Variants in UNK observed in about 807,000 individuals in gnomAD.
UNK encodes RING finger protein unkempt homolog.
UNK carries 32 observed loss-of-function variants against 97.6 expected under a neutral mutation model. The observed-to-expected ratio is 0.33, with a 90% CI of 0.25 to 0.44. The LOEUF (loss-of-function observed/expected upper bound fraction) is 0.44, where lower values mean the gene tolerates loss of function less well. UNK is among the 20% of genes least tolerant of loss of function. The pLI is 1.00. For synonymous variants in UNK, 441 were observed against 461.2 expected, an observed-to-expected ratio of 0.96 and a Z score of 0.56; for missense variants, 771 against 1,098.4, an observed-to-expected ratio of 0.70 and a Z score of 4.21.
chr17:75,812,708 C>A, intron 4 of UNK, 123 bp downstream of exon 4: 1 of 1,388,914 alleles, frequency 7.2e-7, no homozygotes, highest in Non-Finnish European at 9.5e-7. Context: ...CCGCATCCCA[C>A]CCTACACCCA....
At chr17:75,821,650 T>C in intron 13 of UNK, 1 of 456,604 alleles carries the variant, frequency 2.2e-6, no homozygotes, top group Non-Finnish European at 4.4e-6. Context: ...ACATCCTGGT[T>C]GGATTAGTGG....
intron 1 of UNK, chr17:75,792,013 C>G: frequency 5.1e-6 from 5 of 985,438 alleles, no homozygotes; most frequent in South Asian, 4.7e-5. Flanking sequence ...CACCCTGATG[C>G]CTGAAGGTGA....
Position 75,824,579 on chromosome 17 carries a change from C to T in UNK, c.*162C>T, listed in dbSNP as rs1257421730. On this transcript the variant is annotated 3_prime_UTR_variant, in exon 16 of 16. Transcript: ENST00000589666. The surrounding 1 kb of genome is among the most constrained non-coding windows in gnomAD (Gnocchi z 4.9). ...GTATGTATGTATATGTATACATTTC[C>T]GTATGTGTGCAGGTATGCGTGGTGG... The T allele has an allele frequency of 1.7e-5, 8 of 477,786 alleles. No individual in the cohort carries two copies. In the South Asian group the frequency reaches 5.0e-4, roughly 30 times the overall value. The allele number at this position is 477,786 out of a possible 1,614,324, so 29.6% of individuals were successfully genotyped here.
In UNK at chr17:75,819,913, C is replaced by A; in HGVS notation, c.1649-7C>A. The A allele has an allele frequency of 6.2e-7, 1 of 1,606,390 alleles. No homozygotes were observed. ...CCCAGCCCGTCCTCCCCGGGCCTCTCTTGCAGGCGGCAGCTTGCTGCAGAG... is the reference window on the plus strand; with the variant it reads ...CCCAGCCCGTCCTCCCCGGGCCTCTATTGCAGGCGGCAGCTTGCTGCAGAG... On this transcript the variant is annotated splice_polypyrimidine_tract_variant and splice_region_variant and intron_variant, in intron 12 of 15. Coordinates refer to ENST00000589666, the MANE Select transcript of UNK (RefSeq NM_001080419.3). The surrounding 1 kb of genome is among the most constrained non-coding windows in gnomAD (Gnocchi z 5.4).
chr17:75,822,685 T>A, intron 14 of UNK, 27 bp downstream of exon 14: 1 of 1,567,392 alleles, frequency 6.4e-7, no homozygotes, highest in Non-Finnish European at 8.7e-7. Context: ...CTGCCGGCCT[T>A]CCCCAGTGCC....
At chr17:75,786,119 G>A (rs2061708317) in intron 1 of UNK, among the ~76,000 whole-genome samples, 1 of 152,172 alleles carries the variant, frequency 6.6e-6, no homozygotes, top group Non-Finnish European at 1.5e-5. Context: ...TTTGTTGTTG[G>A]CTGAAATCAT....
chr17:75,796,855 T>G (rs2061810407), intron 1 of UNK, among the ~76,000 whole-genome samples: 1 of 152,266 alleles, frequency 6.6e-6, no homozygotes, highest in South Asian at 2.1e-4. Flanking sequence ...ATGGCTCATA[T>G]GCTCTTACAA....
chr17:75,821,975 C>A, intron 13 of UNK: 1 of 319,038 alleles, frequency 3.1e-6, no homozygotes, highest in South Asian at 2.6e-5. Context: ...GTCTGTAAAA[C>A]AAGGGGGATG....
At chr17:75,788,703 G>C (rs919247849) in intron 1 of UNK, among the ~76,000 whole-genome samples, 3 of 147,588 alleles carry the variant, frequency 2.0e-5, no homozygotes, top group African/African-American at 5.0e-5. Flanking sequence ...TGTCACCCAG[G>C]TTGGTTGGAC....
At chr17:75,799,566 C>T (rs776335375) in intron 1 of UNK, among the ~76,000 whole-genome samples, 1 of 152,170 alleles carries the variant, frequency 6.6e-6, no homozygotes, top group Non-Finnish European at 1.5e-5. Flanking sequence ...GTTTCTACCA[C>T]TTGGGGTGCT....
chr17:75,820,045 C>A lies in UNK; in HGVS notation c.1774C>A (p.Gln592Lys). Reference sequence around the variant, plus strand: ...CTCCTCGCATTTCCTGCAGCAGCCCCAGGGCCACCTGAGTCAGTCGGAAAA... The same window carrying A: ...CTCCTCGCATTTCCTGCAGCAGCCCAAGGGCCACCTGAGTCAGTCGGAAAA... ...SLSSHFLQQPQGHLSQSENTF... is the reference protein window; with the variant it reads ...SLSSHFLQQPKGHLSQSENTF... Residue 592 changes from glutamine (Q) to lysine (K), a missense_variant, in exon 13 of 16, where the codon CAG (glutamine) becomes AAG (lysine). By Grantham distance (53) the Gln-to-Lys change is moderately conservative (BLOSUM62 1). Transcript: ENST00000589666. 1 of 1,613,890 alleles carries A rather than the reference C, an allele frequency of 6.2e-7. No individual in the cohort carries two copies. The highest frequency in any genetic ancestry group is 8.5e-7 in the Non-Finnish European group (1 of 1,179,866).
intron 1 of UNK, among the ~76,000 whole-genome samples, chr17:75,805,091 G>T (rs2061898997): frequency 6.7e-6 from 1 of 150,352 alleles, no homozygotes. Context: ...TGAGGCAGGA[G>T]AATGGCGTGA....
intron 1 of UNK, among the ~76,000 whole-genome samples, chr17:75,803,216 C>G (rs773923373): frequency 7.4e-6 from 1 of 135,852 alleles, no homozygotes; most frequent in Non-Finnish European, 1.6e-5. Context: ...TCTCCCAACA[C>G]GGTGAAACCC....
chr17:75,821,096 G>C (rs906664923), intron 13 of UNK: 3 of 168,392 alleles, frequency 1.8e-5, no homozygotes, highest in African/African-American at 7.2e-5. Context: ...ACCCAGGCTG[G>C]AGTGCAGTGC....
chr17:75,812,232 G>A lies in UNK; in HGVS notation c.435G>A (p.Leu145=), dbSNP rs959468022. Reference sequence around the variant, plus strand: ...AAGGCAACTGCACCAAAAACGGCCTGCACTGCGCTTTTGCCCACGGGCCCC... The same window carrying A: ...AAGGCAACTGCACCAAAAACGGCCTACACTGCGCTTTTGCCCACGGGCCCC... ...DSKGNCTKNG[L]HCAFAHGPHD... The change falls in exon 3 of 16, where the codon CTG becomes CTA. Residue 145 remains leucine (L), a synonymous_variant. Transcript: ENST00000589666. 3.1e-6 allele frequency: 5 copies of A among 1,613,966 alleles called. No homozygotes were observed. The highest frequency in any genetic ancestry group is 2.2e-5 in the South Asian group (2 of 91,080).
At chr17:75,793,658 T>G in intron 1 of UNK, 1 of 983,572 alleles carries the variant, frequency 1.0e-6, no homozygotes, top group African/African-American at 1.8e-5. Context: ...TTTCCTCCCC[T>G]TCCTTATTCT....
At chr17:75,806,206 G>T (rs557767575) in intron 1 of UNK, among the ~76,000 whole-genome samples, 1 of 151,410 alleles carries the variant, frequency 6.6e-6, no homozygotes, top group South Asian at 2.1e-4. Context: ...CTGTAATCCC[G>T]GCACTTTGGG....
intron 1 of UNK, among the ~76,000 whole-genome samples, chr17:75,803,406 A>G (rs1261655683): frequency 6.6e-6 from 1 of 152,180 alleles, no homozygotes; most frequent in Non-Finnish European, 1.5e-5. Flanking sequence ...CATCAAAAAG[A>G]AGGCCGATTT....
intron 1 of UNK, among the ~76,000 whole-genome samples, chr17:75,786,326 A>G (rs1229433826): frequency 1.3e-5 from 2 of 152,184 alleles, no homozygotes; most frequent in Non-Finnish European, 2.9e-5. Flanking sequence ...ACGTAATTGG[A>G]ACTTCTTTAT....
Sources: allele counts gnomAD v4.1 joint callset (sites outside exome capture counted in the v4.1 genomes callset), GRCh38; gene constraint gnomAD v4.1.1; non-coding constraint Gnocchi (gnomAD v3.1); transcripts MANE v1.5; gene names NCBI Gene and HGNC (gene_info 2026-07-23, HGNC 2026-07-21).